The following ZSWIM6 variants were observed in gnomAD, a reference collection of about 807,000 sequenced individuals.
ZSWIM6 encodes zinc finger SWIM domain-containing protein 6.
ZSWIM6 carries 9 observed loss-of-function variants against 113.2 expected under a neutral mutation model. The observed-to-expected ratio is 0.08, with a 90% CI of 0.05 to 0.14. The LOEUF (loss-of-function observed/expected upper bound fraction) is 0.14. Among genes scored for constraint, ZSWIM6 ranks in the 10% least tolerant of loss-of-function variants. The pLI is 1.00. For missense variants in ZSWIM6, 1,162 were observed against 1,552.2 expected (o/e 0.75, Z 4.22); for synonymous variants, 611 against 606.5 (o/e 1.01, Z -0.11).
chr5:61,341,614 TAAAG>T lies in ZSWIM6; in HGVS notation c.676+8669_676+8672del, dbSNP rs200088858. On this transcript the variant is annotated intron_variant, in intron 1 of 13. Transcript: ENST00000252744. The stretch of plus-strand genomic sequence containing the variant: ...TGAATGTATACATATACCCATATAA[TAAAG>T]AATTTGCTGAAAGTTTGAAGTGCTG... Among the ~76,000 whole-genome samples the T allele has an allele frequency of 2.1e-3, 327 of 152,290 alleles. 7 individuals are homozygous for T. In the East Asian group the frequency reaches 0.045, roughly 21 times the overall value.
At chr5:61,525,741 C>A (rs538428572) in intron 5 of ZSWIM6, 59 bp from the exon 6 acceptor site, 406 of 1,532,046 alleles carry the variant, frequency 2.7e-4, no homozygotes, top group Non-Finnish European at 3.3e-4. Flanking sequence ...AATGGTATGA[C>A]TGATTTATTC....
At chr5:61,438,411 A>C (rs1354445831) in intron 1 of ZSWIM6, among the ~76,000 whole-genome samples, 1 of 152,172 alleles carries the variant, frequency 6.6e-6, no homozygotes, top group African/African-American at 2.4e-5. Context: ...TATAAAGTAA[A>C]TTGTATTAGT....
rs1168251581 is a variant in ZSWIM6 at position 61,458,877 on chromosome 5, C to CA, written c.677-13792dup. Among the ~76,000 whole-genome samples, 277 of 76,348 alleles carry CA rather than the reference C, an allele frequency of 3.6e-3. 1 individual carries two copies. Among genetic ancestry groups the CA allele is most frequent in the African/African-American group, 6.7e-3 (135 of 20,170 alleles). 50.1% of individuals were successfully genotyped at this position (76,348 alleles called of 152,430 possible). A position where few individuals can be genotyped will look rare whatever the true frequency, so the allele number is the denominator to read the frequency against. ...TGGGCAACAGAGCGAGATTCCTTCT[C>CA]AAAAAAAAAAAAGAAAAAAAAAAAA... is the stretch of plus-strand genomic sequence containing the variant. On this transcript the variant is annotated intron_variant, in intron 1 of 13. Coordinates refer to ENST00000252744, the MANE Select transcript of ZSWIM6 (RefSeq NM_020928.2).
At chr5:61,342,006 A>C (rs1744561232) in intron 1 of ZSWIM6, among the ~76,000 whole-genome samples, 1 of 150,058 alleles carries the variant, frequency 6.7e-6, no homozygotes, top group Non-Finnish European at 1.5e-5. Flanking sequence ...CAGCCTCCTG[A>C]GTAGCTGGGA....
At chr5:61,500,884 C>T (rs964241863) in intron 4 of ZSWIM6, among the ~76,000 whole-genome samples, 10 of 152,052 alleles carry the variant, frequency 6.6e-5, no homozygotes, top group African/African-American at 1.9e-4. Flanking sequence ...CTGAACTAGG[C>T]GCTGATAATG....
At chr5:61,425,123 G>A (rs773946469) in intron 1 of ZSWIM6, among the ~76,000 whole-genome samples, 24 of 152,010 alleles carry the variant, frequency 1.6e-4, no homozygotes, top group Non-Finnish European at 2.5e-4. Flanking sequence ...AATAATAACT[G>A]GATTTTATCA....
intron 4 of ZSWIM6, among the ~76,000 whole-genome samples, chr5:61,512,893 G>A (rs182358936): frequency 1.6e-4 from 24 of 151,814 alleles, no homozygotes; most frequent in African/African-American, 5.1e-4. Flanking sequence ...CCCTTCCCCC[G>A]AGCTTATGCA....
intron 1 of ZSWIM6, among the ~76,000 whole-genome samples, chr5:61,374,714 CG>C (rs1267265239): frequency 6.7e-6 from 1 of 149,780 alleles, no homozygotes; most frequent in Non-Finnish European, 1.5e-5. Flanking sequence ...CCACCACGCC[CG>C]GCTGATTTTT....
chr5:61,529,956 ATGC>A, intron 7 of ZSWIM6, 93 bp from the exon 8 acceptor site: 1 of 1,093,718 alleles, frequency 9.1e-7, no homozygotes, highest in Non-Finnish European at 1.3e-6. Flanking sequence ...GTTTATCAGG[ATGC>A]TGCTATTAAA....
intron 1 of ZSWIM6, among the ~76,000 whole-genome samples, chr5:61,443,442 A>G (rs1221158191): frequency 6.6e-6 from 1 of 152,222 alleles, no homozygotes; most frequent in Non-Finnish European, 1.5e-5. Context: ...TTTGAAGTCC[A>G]TCCTGTATAA....
At chr5:61,418,977 A>G (rs1746305854) in intron 1 of ZSWIM6, among the ~76,000 whole-genome samples, 2 of 152,180 alleles carry the variant, frequency 1.3e-5, no homozygotes, top group Admixed American at 1.3e-4. Flanking sequence ...GTGCGCCGCC[A>G]TGCCTGGCTA....
chr5:61,453,378 CTTT>C (rs60097146), intron 1 of ZSWIM6, among the ~76,000 whole-genome samples: 4 of 135,854 alleles, frequency 2.9e-5, no homozygotes, highest in Admixed American at 7.5e-5. Context: ...CTCTCTCTCT[CTTT>C]TTTTTTTTTT....
At chr5:61,529,887 A>G (rs1182459402) in intron 7 of ZSWIM6, among the ~76,000 whole-genome samples, 165 bp from the exon 8 acceptor site, 2 of 152,208 alleles carry the variant, frequency 1.3e-5, no homozygotes, top group African/African-American at 4.8e-5. Context: ...GTTGGGGATT[A>G]TGGTACCTTT....
At chr5:61,442,243 C>G (rs774955561) in intron 1 of ZSWIM6, among the ~76,000 whole-genome samples, 1 of 152,096 alleles carries the variant, frequency 6.6e-6, no homozygotes, top group Non-Finnish European at 1.5e-5. Context: ...TTAACTTTCT[C>G]AAGTTCTAAG....
intron 1 of ZSWIM6, among the ~76,000 whole-genome samples, chr5:61,453,366 C>T (rs914926619): frequency 2.7e-5 from 4 of 146,698 alleles, no homozygotes; most frequent in African/African-American, 5.1e-5. Context: ...ACTTTACGTC[C>T]ACTCTCTCTC....
intron 4 of ZSWIM6, among the ~76,000 whole-genome samples, chr5:61,520,638 T>C (rs1279175628): frequency 6.6e-6 from 1 of 152,180 alleles, no homozygotes; most frequent in African/African-American, 2.4e-5. Flanking sequence ...ACTGGCTTTT[T>C]TTTGCCCCAA....
At chr5:61,440,789 T>C (rs1489507611) in intron 1 of ZSWIM6, among the ~76,000 whole-genome samples, 1 of 152,172 alleles carries the variant, frequency 6.6e-6, no homozygotes, top group East Asian at 1.9e-4. Context: ...TCAGGGAACA[T>C]TTAATGCGTG....
At chr5:61,392,373 A>T (rs76049161) in intron 1 of ZSWIM6, among the ~76,000 whole-genome samples, 3,573 of 152,244 alleles carry the variant, frequency 0.023, 65 homozygotes, top group Middle Eastern at 0.034. Flanking sequence ...GTCTTTAAAA[A>T]TTTTTTTAAA....
intron 1 of ZSWIM6, among the ~76,000 whole-genome samples, chr5:61,333,221 C>T (rs1744306010): frequency 6.6e-6 from 1 of 151,934 alleles, no homozygotes; most frequent in Non-Finnish European, 1.5e-5. Context: ...CCCGCGCTCC[C>T]CTACCCGCCC....
Sources: allele counts gnomAD v4.1 joint callset (sites outside exome capture counted in the v4.1 genomes callset), GRCh38; gene constraint gnomAD v4.1.1; transcripts MANE v1.5; gene names NCBI Gene and HGNC (gene_info 2026-07-23, HGNC 2026-07-21).